BAZ2B: variants seen among roughly 807,000 people sequenced by gnomAD.
BAZ2B encodes bromodomain adjacent to zinc finger domain 2B, also known as bromodomain adjacent to zinc finger domain protein 2B.
In BAZ2B, 91 loss-of-function variants were observed where a neutral mutation model predicts 246.0. That is an observed-to-expected ratio of 0.37 (90% confidence interval 0.31 to 0.44). The LOEUF (loss-of-function observed/expected upper bound fraction) is 0.44, where lower values mean the gene tolerates loss of function less well. Among genes scored for constraint, BAZ2B ranks in the 20% least tolerant of loss-of-function variants. BAZ2B has a pLI of 1.00. For synonymous variants in BAZ2B, 855 were observed against 860.0 expected (o/e 0.99, Z 0.10); for missense variants, 2,332 against 2,533.7 (o/e 0.92, Z 1.71).
Position 159,320,349 on chromosome 2 carries a change from T to G in BAZ2B, c.6423A>C (p.Glu2141Asp), listed in dbSNP as rs1298468506. 6.3e-7 allele frequency: 1 copy of G among 1,583,536 alleles called. No individual in the cohort carries two copies. Among genetic ancestry groups the G allele is most frequent in the East Asian group, 2.3e-5 (1 of 42,980 alleles). ...LVFDNCETFN[E>D]DDSDIGRAGH... ...CAGCTCTGCCTATATCAGAATCATC[T>G]TCATTAAATGTTTCACAGTTGTCAA... Residue 2141 changes from glutamate to aspartate, a missense_variant, in exon 37 of 37, where the codon GAA becomes GAC. Glu to Asp is a conservative substitution (Grantham distance 45, BLOSUM62 2). Around this residue, in one of 9 missense-constraint regions of BAZ2B, gnomAD observed 210 missense variants for 232.5 expected, o/e 0.90. Coordinates refer to ENST00000392783, the MANE Select transcript of BAZ2B (RefSeq NM_013450.4).
At chr2:159,377,031 T>C (rs145514410) in intron 25 of BAZ2B, among the ~76,000 whole-genome samples, 5 of 152,220 alleles carry the variant, frequency 3.3e-5, no homozygotes, top group Non-Finnish European at 5.9e-5. Flanking sequence ...TAAACTCCCA[T>C]AGGTCTCAAC....
the BAZ2B span, among the ~76,000 whole-genome samples, chr2:159,707,308 G>C: frequency 1.3e-5 from 2 of 152,122 alleles, no homozygotes; most frequent in Non-Finnish European, 2.9e-5. Flanking sequence ...ACAGCACTTT[G>C]GGAGGCCAAG....
At chr2:159,654,673 T>C in the BAZ2B span, among the ~76,000 whole-genome samples, 2 of 151,900 alleles carry the variant, frequency 1.3e-5, no homozygotes, top group African/African-American at 4.8e-5. Flanking sequence ...AAAAGAAGAG[T>C]GTTTTGAAAA....
intron 27 of BAZ2B, among the ~76,000 whole-genome samples, chr2:159,364,802 TTG>T (rs1449201655): frequency 6.6e-6 from 1 of 152,240 alleles, no homozygotes; most frequent in Non-Finnish European, 1.5e-5. Context: ...TCGGCAGACG[TTG>T]TGTGACAGTG....
Position 159,456,725 on chromosome 2 carries a change from G to A in BAZ2B, c.146-2924C>T, listed in dbSNP as rs150793252. Reference sequence around the variant, plus strand: ...TTCTTGGTTAAAATAGTTAAAGCATGGAAAGCATCCTTAGTGACGACTGAG... The same window carrying A: ...TTCTTGGTTAAAATAGTTAAAGCATAGAAAGCATCCTTAGTGACGACTGAG... On this transcript the variant is annotated intron_variant, in intron 3 of 36. Transcript: ENST00000392783. 3.2e-3 allele frequency among the ~76,000 whole-genome samples: 480 copies of A among 152,252 alleles called. 3 individuals carry two copies. The highest frequency in any genetic ancestry group is 0.011 in the African/African-American group (463 of 41,560).
chr2:159,572,339 G>A (rs531648744), intron 1 of BAZ2B, among the ~76,000 whole-genome samples: 3 of 152,182 alleles, frequency 2.0e-5, no homozygotes, highest in Non-Finnish European at 4.4e-5. Flanking sequence ...TGTCAGAACT[G>A]TGAGTAACTG....
At chr2:159,595,179 C>T (rs901911545) in intron 1 of BAZ2B, among the ~76,000 whole-genome samples, 3 of 151,748 alleles carry the variant, frequency 2.0e-5, no homozygotes, top group Admixed American at 2.0e-4. Context: ...CTCGGCTCAC[C>T]GCAACCTCCG....
chr2:159,465,755 C>A (rs1330927403), intron 3 of BAZ2B, among the ~76,000 whole-genome samples: 2 of 152,046 alleles, frequency 1.3e-5, no homozygotes. Context: ...AACCCTGTCT[C>A]TACCAAAAAT....
intron 30 of BAZ2B, 152 bp downstream of exon 30, chr2:159,348,526 T>A: frequency 2.2e-6 from 2 of 891,056 alleles, no homozygotes. Context: ...GCACCCATCT[T>A]TCTTTGACTG....
At chr2:159,684,198 C>T in the BAZ2B span, among the ~76,000 whole-genome samples, 1 of 152,230 alleles carries the variant, frequency 6.6e-6, no homozygotes, top group Non-Finnish European at 1.5e-5. Flanking sequence ...ATGTACCACA[C>T]TTTAACCATT....
intron 1 of BAZ2B, among the ~76,000 whole-genome samples, chr2:159,613,607 CAG>C (rs1238992958): frequency 6.6e-6 from 1 of 152,102 alleles, no homozygotes; most frequent in African/African-American, 2.4e-5. Context: ...GATTATGCAG[CAG>C]AGTGACAATA....
chr2:159,350,253 T>C lies in BAZ2B; in HGVS notation c.4318A>G (p.Asn1440Asp), dbSNP rs1384556496. Reference sequence around the variant, plus strand: ...TCCTTTTGTTCACAGTGATCTGTATTTGAACAATTTAAACTGTCCCCAGAA... The same window carrying C: ...TCCTTTTGTTCACAGTGATCTGTATCTGAACAATTTAAACTGTCCCCAGAA... ...ETSGDSLNCS[N>D]TDHCEQKEDL... is the part of the protein sequence containing the mutation. The change falls in exon 28 of 37, where the codon AAT becomes GAT. Residue 1440 changes from asparagine (N) to aspartate (D), a missense_variant. Asn to Asp is a conservative substitution (Grantham distance 23). This residue lies in a region of BAZ2B where 676 missense variants were observed against 668.6 expected (regional missense o/e 1.01). Coordinates refer to ENST00000392783, the MANE Select transcript of BAZ2B (RefSeq NM_013450.4). 4 of 1,612,754 alleles carry C rather than the reference T, an allele frequency of 2.5e-6. No homozygotes were observed. Among genetic ancestry groups the C allele is most frequent in the Non-Finnish European group, 3.4e-6 (4 of 1,179,086 alleles).
chr2:159,391,727 C>T lies in BAZ2B; in HGVS notation c.3076-2242G>A, dbSNP rs80172029. Among the ~76,000 whole-genome samples, 1,449 of 152,112 alleles carry T rather than the reference C, an allele frequency of 9.5e-3. 27 individuals carry two copies. The highest frequency in any genetic ancestry group is 0.033 in the African/African-American group (1,379 of 41,512). ...CAATTTTAGCTGGTGACATGCAATA[C>T]TTTTTTCCACTTGAAAAAGTAAAAT... is the stretch of plus-strand genomic sequence containing the variant. On this transcript the variant is annotated intron_variant, in intron 20 of 36. Transcript: ENST00000392783.
chr2:159,663,197 TTTTC>T, the BAZ2B span, among the ~76,000 whole-genome samples: 1 of 151,234 alleles, frequency 6.6e-6, no homozygotes, highest in African/African-American at 2.4e-5. Context: ...GTTGTTTTTT[TTTTC>T]TTTTTTTTCT....
chr2:159,670,099 T>C, the BAZ2B span, among the ~76,000 whole-genome samples: 2 of 151,996 alleles, frequency 1.3e-5, no homozygotes, highest in African/African-American at 2.4e-5. Context: ...GCCTCCCAAG[T>C]AGCCGCGACT....
intron 1 of BAZ2B, among the ~76,000 whole-genome samples, chr2:159,610,242 A>G (rs1340994523): frequency 6.6e-6 from 1 of 152,208 alleles, no homozygotes; most frequent in East Asian, 1.9e-4. Context: ...GACCTGACCT[A>G]CTAGAAGACT....
At chr2:159,491,495 CG>C (rs2080457136) in intron 2 of BAZ2B, among the ~76,000 whole-genome samples, 1 of 151,132 alleles carries the variant, frequency 6.6e-6, no homozygotes, top group East Asian at 1.9e-4. Context: ...CCGAGGCGGG[CG>C]GATCACGAGG....
intron 2 of BAZ2B, among the ~76,000 whole-genome samples, chr2:159,549,631 T>C (rs2087863219): frequency 6.6e-6 from 1 of 152,142 alleles, no homozygotes; most frequent in Non-Finnish European, 1.5e-5. Context: ...AAAAATCTCA[T>C]AATGTTTTGA....
At chr2:159,503,736 C>T (rs975806807) in intron 2 of BAZ2B, among the ~76,000 whole-genome samples, 1 of 152,016 alleles carries the variant, frequency 6.6e-6, no homozygotes, top group Non-Finnish European at 1.5e-5. Flanking sequence ...CCTCCCACCA[C>T]GCCCGGCTAA....
Sources: allele counts gnomAD v4.1 joint callset (sites outside exome capture counted in the v4.1 genomes callset), GRCh38; gene constraint gnomAD v4.1.1; regional missense constraint gnomAD v4.1.1; transcripts MANE v1.5; gene names NCBI Gene and HGNC (gene_info 2026-07-23, HGNC 2026-07-21).